DLGAP4: variants seen among roughly 807,000 people sequenced by gnomAD.
DLGAP4 encodes disks large-associated protein 4.
DLGAP4 carries 18 observed loss-of-function variants against 86.9 expected under a neutral mutation model. The observed-to-expected ratio is 0.21, with a 90% confidence interval of 0.14 to 0.31. The LOEUF is 0.31. Ranked by LOEUF, DLGAP4 falls within the 10% of genes least tolerant of loss-of-function variation. The pLI, the probability that DLGAP4 is intolerant of heterozygous loss-of-function variation, is 1.00. For synonymous variants in DLGAP4, 548 were observed against 574.3 expected (o/e 0.95, Z 0.65); for missense variants, 1,085 against 1,362.6 (o/e 0.80, Z 3.21).
intron 7 of DLGAP4, among the ~76,000 whole-genome samples, chr20:36,467,023 T>C (rs1203201857): frequency 1.5e-4 from 3 of 19,938 alleles, no homozygotes; most frequent in Admixed American, 3.8e-4. Flanking sequence ...CTCTCCTCTC[T>C]CTCTCTCTCT....
intron 7 of DLGAP4, among the ~76,000 whole-genome samples, chr20:36,462,860 C>T (rs903345902): frequency 6.6e-6 from 1 of 152,208 alleles, no homozygotes; most frequent in Admixed American, 6.5e-5. Flanking sequence ...CACTTGGCCC[C>T]GCATGGCCTG....
chr20:36,450,239 T>A (rs2033700248), intron 7 of DLGAP4, among the ~76,000 whole-genome samples: 1 of 151,266 alleles, frequency 6.6e-6, no homozygotes, highest in East Asian at 2.0e-4. Context: ...GGCTCATGCC[T>A]GTAATCCCAG....
intron 1 of DLGAP4, among the ~76,000 whole-genome samples, chr20:36,326,981 C>G (rs1314166676): frequency 1.5e-5 from 2 of 135,182 alleles, no homozygotes; most frequent in Non-Finnish European, 3.2e-5. Flanking sequence ...TTTCTGGCTA[C>G]TTTTAAGATT....
chr20:36,441,918 C>T (rs1327804249), intron 5 of DLGAP4, among the ~76,000 whole-genome samples: 1 of 152,198 alleles, frequency 6.6e-6, no homozygotes, highest in East Asian at 1.9e-4. Flanking sequence ...TATTAATCGG[C>T]CAGGCTGGGG....
intron 10 of DLGAP4, among the ~76,000 whole-genome samples, chr20:36,518,893 G>A (rs922357436): frequency 2.6e-5 from 4 of 152,040 alleles, no homozygotes; most frequent in Non-Finnish European, 4.4e-5. Flanking sequence ...TGAGGCAGGC[G>A]GATCACGAGG....
chr20:36,518,733 C>CT (rs1295802418), intron 10 of DLGAP4, among the ~76,000 whole-genome samples: 3 of 152,106 alleles, frequency 2.0e-5, no homozygotes, highest in Non-Finnish European at 4.4e-5. Flanking sequence ...CTTTGAAAGG[C>CT]TGAGGCAGGA....
At chr20:36,323,175 CAAAAAA>C (rs1164348704) in intron 1 of DLGAP4, among the ~76,000 whole-genome samples, 2 of 35,404 alleles carry the variant, frequency 5.6e-5, no homozygotes, top group Non-Finnish European at 7.4e-5. Flanking sequence ...GACCCTATCT[CAAAAAA>C]AAAAAAAAAA....
intron 2 of DLGAP4, among the ~76,000 whole-genome samples, chr20:36,384,159 G>A (rs1394811228): frequency 2.0e-5 from 3 of 152,132 alleles, no homozygotes; most frequent in Non-Finnish European, 4.4e-5. Flanking sequence ...TTGGGGTGCG[G>A]GGCACTCGTT....
At chr20:36,476,905 G>A (rs2034966967) in intron 7 of DLGAP4, among the ~76,000 whole-genome samples, 1 of 146,018 alleles carries the variant, frequency 6.8e-6, no homozygotes, top group African/African-American at 2.5e-5. Context: ...TTTAGTCGGG[G>A]TGATCTCAAA....
intron 2 of DLGAP4, among the ~76,000 whole-genome samples, chr20:36,394,366 G>A (rs913508467): frequency 1.3e-5 from 2 of 152,184 alleles, no homozygotes; most frequent in Non-Finnish European, 2.9e-5. Flanking sequence ...CTGCGACTCT[G>A]CCCTGCGACT....
intron 1 of DLGAP4, among the ~76,000 whole-genome samples, chr20:36,343,761 C>A (rs1347647444): frequency 6.6e-6 from 1 of 152,220 alleles, no homozygotes; most frequent in Non-Finnish European, 1.5e-5. Flanking sequence ...GGAAACCAGG[C>A]CAGAGCTGGA....
intron 2 of DLGAP4, among the ~76,000 whole-genome samples, chr20:36,427,170 G>A (rs1442938368): frequency 1.3e-5 from 2 of 152,024 alleles, no homozygotes; most frequent in Non-Finnish European, 2.9e-5. Context: ...GCAACAGAGC[G>A]AGACCCTGTC....
chr20:36,345,763 CT>C (rs34389723), intron 1 of DLGAP4, among the ~76,000 whole-genome samples: 18 of 150,196 alleles, frequency 1.2e-4, no homozygotes, highest in African/African-American at 2.7e-4. Context: ...GATCCTATTA[CT>C]TTTTTTTTTC....
At chr20:36,341,560 T>C (rs1329620289) in intron 1 of DLGAP4, among the ~76,000 whole-genome samples, 3 of 152,190 alleles carry the variant, frequency 2.0e-5, no homozygotes, top group Non-Finnish European at 4.4e-5. Context: ...TTTCCATCCT[T>C]CCTGGTTTAG....
chr20:36,525,866 C>T lies in DLGAP4; in HGVS notation c.2620C>T (p.Pro874Ser). 1 of 1,613,546 alleles carries T rather than the reference C, an allele frequency of 6.2e-7. No homozygotes were observed. Among genetic ancestry groups the T allele is most frequent in the Non-Finnish European group, 8.5e-7 (1 of 1,179,946 alleles). ...CEQNLNPDAN[P>S]RPTAQDLAGF... is the part of the protein sequence containing the mutation. ...TGGCCCACAGAACCCTGATGCCAAC[C>T]CACGCCCCACAGCCCAGGACCTGGC... The change falls in exon 12 of 13, where the codon CCA becomes TCA. Residue 874 changes from proline (P) to serine (S), a missense_variant. By Grantham distance (74) the Pro-to-Ser change is moderately conservative (BLOSUM62 -1). Coordinates refer to ENST00000339266, the MANE Select transcript of DLGAP4 (RefSeq NM_001365621.2).
chr20:36,339,260 G>T (rs999103476), intron 1 of DLGAP4, among the ~76,000 whole-genome samples: 1 of 151,996 alleles, frequency 6.6e-6, no homozygotes, highest in Non-Finnish European at 1.5e-5. Context: ...GCTAATTTTT[G>T]TATTTTTAGT....
chr20:36,469,846 C>T (rs1183301172), intron 7 of DLGAP4, among the ~76,000 whole-genome samples: 1 of 152,002 alleles, frequency 6.6e-6, no homozygotes, highest in Admixed American at 6.5e-5. Flanking sequence ...AGGCCATCTG[C>T]TCCTTCTCCC....
intron 7 of DLGAP4, among the ~76,000 whole-genome samples, chr20:36,476,604 C>G (rs113269351): frequency 2.8e-4 from 43 of 151,080 alleles, no homozygotes; most frequent in African/African-American, 1.0e-3. Flanking sequence ...GTTGGGATTA[C>G]AGGCGTGAGC....
intron 10 of DLGAP4, among the ~76,000 whole-genome samples, chr20:36,517,425 C>G (rs572140603): frequency 6.6e-6 from 1 of 152,158 alleles, no homozygotes; most frequent in African/African-American, 2.4e-5. Flanking sequence ...TGCCACCACA[C>G]CCGGTTATTT....
Sources: allele counts gnomAD v4.1 joint callset (sites outside exome capture counted in the v4.1 genomes callset), GRCh38; gene constraint gnomAD v4.1.1; transcripts MANE v1.5; gene names NCBI Gene and HGNC (gene_info 2026-07-23, HGNC 2026-07-21).